ARHGEF37: variants seen among roughly 807,000 people sequenced by gnomAD.
ARHGEF37 encodes Rho guanine nucleotide exchange factor (GEF) 37.
ARHGEF37 carries 55 observed loss-of-function variants against 71.1 expected under a neutral mutation model. That is an observed-to-expected ratio of 0.77 (90% CI 0.62 to 0.97). The LOEUF is 0.97. Among genes scored for constraint, ARHGEF37 ranks in the 50% least tolerant of loss-of-function variants. The probability of loss-of-function intolerance (pLI) is 0.00; values close to 1 mark genes in which losing one functional copy is unlikely to be tolerated. For missense variants in ARHGEF37, 765 were observed against 836.8 expected, an observed-to-expected ratio of 0.91 and a Z score of 1.06; for synonymous variants, 327 against 350.6, an observed-to-expected ratio of 0.93 and a Z score of 0.75.
At chr5:149,587,046 A>T (rs1217128250) in intron 1 of ARHGEF37, among the ~76,000 whole-genome samples, 1 of 152,176 alleles carries the variant, frequency 6.6e-6, no homozygotes, top group African/African-American at 2.4e-5. Context: ...ATTTGTTGTA[A>T]TCAAGTGGCA....
chr5:149,569,978 T>G (rs565163061), intron 1 of ARHGEF37, among the ~76,000 whole-genome samples: 86 of 152,288 alleles, frequency 5.6e-4, no homozygotes, highest in African/African-American at 1.9e-3. Context: ...GAGTACTGTT[T>G]TATATTGGAT....
rs543805061 is a variant in ARHGEF37, at chr5:149,628,813, T to A, written c.1665T>A (p.His555Gln). ...AACCTTCTGCATGCTCCCTAGGACA[T>A]CGTGGGTATGTGCCGGCTGGGAAAC... is the stretch of plus-strand genomic sequence containing the variant. The part of the protein sequence containing the change: ...SGRWLVDTGG[H>Q]RGYVPAGKLQ... The change falls in exon 12 of 13, where the codon CAT becomes CAA. Residue 555 changes from histidine (H) to glutamine (Q), a missense_variant. Transcript: ENST00000333677. 7.9e-5 allele frequency: 128 copies of A among 1,612,662 alleles called. 1 individual carries two copies. Among genetic ancestry groups the A allele is most frequent in the East Asian group, 1.1e-4 (5 of 44,860 alleles).
In ARHGEF37 at chr5:149,624,063, G is replaced by T. The variant is rs113997100; in HGVS notation, c.1387G>T (p.Ala463Ser). 2 of 1,610,068 alleles carry T rather than the reference G, an allele frequency of 1.2e-6. No homozygotes were observed. Among genetic ancestry groups the T allele is most frequent in the Non-Finnish European group, 8.5e-7 (1 of 1,176,744 alleles). ...TGCCTTCAGGAAGCTGGTGGAGGAC[G>T]CACTGGGCCGGACGAGTAACCAGCT... Reference protein sequence around the residue: ...EPAFRKLVEDALGRTSNQLRS... With the variant: ...EPAFRKLVEDSLGRTSNQLRS... Residue 463 changes from alanine (A) to serine (S), a missense_variant, in exon 10 of 13, where the codon GCA (alanine) becomes TCA (serine). Around this residue, in one of 5 missense-constraint regions of ARHGEF37, gnomAD observed 390 missense variants for 407.4 expected, o/e 0.96. Coordinates refer to ENST00000333677, the MANE Select transcript of ARHGEF37 (RefSeq NM_001001669.3).
chr5:149,555,886 G>T (rs1412413160), intron 1 of ARHGEF37, among the ~76,000 whole-genome samples: 1 of 151,996 alleles, frequency 6.6e-6, no homozygotes, highest in Non-Finnish European at 1.5e-5. Flanking sequence ...CACTTTGGGA[G>T]GCTGAGATAG....
Position 149,619,043 on chromosome 5 carries a change from G to C in ARHGEF37, c.894+1G>C. 1 of 1,612,160 alleles carries C rather than the reference G, an allele frequency of 6.2e-7. No homozygotes were observed. Among genetic ancestry groups the C allele is most frequent in the Non-Finnish European group, 8.5e-7 (1 of 1,178,174 alleles). On this transcript the variant is annotated splice_donor_variant, in intron 7 of 12. Transcript: ENST00000333677. LOFTEE classifies it high-confidence loss of function. ...GGCTGCTTACCTGGACAATCTGCAG[G>C]TGAGGACACTGCAGGGTTCATAAAG... is the stretch of plus-strand genomic sequence containing the variant.
In ARHGEF37 at chr5:149,612,413, C is replaced by A. The variant is rs149958665; in HGVS notation, c.458+2718C>A. Reference sequence around the variant, plus strand: ...CCATCTCCTGACCTCGTGATCCGCCCACCTCGGCCTCCCAGAGTGCTGGGA... The same window carrying A: ...CCATCTCCTGACCTCGTGATCCGCCAACCTCGGCCTCCCAGAGTGCTGGGA... On this transcript the variant is annotated intron_variant, in intron 4 of 12. Transcript: ENST00000333677. Among the ~76,000 whole-genome samples the A allele has an allele frequency of 5.5e-3, 845 of 152,282 alleles. 8 individuals carry two copies. The highest frequency in any genetic ancestry group is 0.019 in the African/African-American group (779 of 41,552).
intron 3 of ARHGEF37, among the ~76,000 whole-genome samples, chr5:149,609,031 A>G (rs1043188893): frequency 6.6e-6 from 1 of 151,982 alleles, no homozygotes; most frequent in Non-Finnish European, 1.5e-5. Flanking sequence ...CTAAACATAC[A>G]AAAATTAGCC....
At chr5:149,555,130 CAAAA>C (rs914879036) in intron 1 of ARHGEF37, among the ~76,000 whole-genome samples, 1 of 55,976 alleles carries the variant, frequency 1.8e-5, no homozygotes, top group African/African-American at 6.9e-5. Flanking sequence ...GACTCTGTCT[CAAAA>C]AAAAAAAAAA....
intron 1 of ARHGEF37, among the ~76,000 whole-genome samples, chr5:149,568,646 A>G (rs955346282): frequency 6.6e-6 from 1 of 151,940 alleles, no homozygotes; most frequent in Non-Finnish European, 1.5e-5. Flanking sequence ...CCCCGTCTCT[A>G]CCAAAAATAC....
chr5:149,597,841 G>C lies in ARHGEF37; in HGVS notation c.72G>C (p.Glu24Asp). ...CGGACAGGGAAGGTAGGGCCTCTGA[G>C]GACAGATCGCTGCTTCATCAGAGGC... is the stretch of plus-strand genomic sequence containing the variant. ...GSPDREGRAS[E>D]DRSLLHQRLA... Residue 24 changes from glutamate to aspartate, a missense_variant, in exon 2 of 13, where the codon GAG becomes GAC. Physicochemically the swap from Glu to Asp is conservative, Grantham distance 45. Around this residue, in one of 5 missense-constraint regions of ARHGEF37, gnomAD observed 201 missense variants for 217.5 expected, o/e 0.92. Coordinates refer to ENST00000333677, the MANE Select transcript of ARHGEF37 (RefSeq NM_001001669.3). The C allele has an allele frequency of 6.2e-7, 1 of 1,609,540 alleles. No individual in the cohort carries two copies. Among genetic ancestry groups the C allele is most frequent in the East Asian group, 2.2e-5 (1 of 44,498 alleles).
chr5:149,570,325 G>A lies in ARHGEF37; in HGVS notation c.-12+18202G>A, dbSNP rs530054415. Among the ~76,000 whole-genome samples the A allele has an allele frequency of 1.8e-3, 267 of 150,378 alleles. 3 individuals are homozygous for A. Among genetic ancestry groups the A allele is most frequent in the African/African-American group, 6.5e-3 (263 of 40,638 alleles). On this transcript the variant is annotated intron_variant, in intron 1 of 2. Transcript: ENST00000505810. ...GCAGTGGCTCACACCTGTAATCCCA[G>A]CACTTTGGGAGGCCGAGGTGGGTGG...
chr5:149,634,125 C>T lies in ARHGEF37; in HGVS notation c.*1934C>T, dbSNP rs1752965493. The T allele has an allele frequency of 6.6e-6, 1 of 152,202 alleles. No homozygotes were observed. Among genetic ancestry groups the T allele is most frequent in the Admixed American group, 6.5e-5 (1 of 15,286 alleles). 9.4% of individuals were successfully genotyped at this position (152,202 alleles called of 1,614,324 possible). On this transcript the variant is annotated 3_prime_UTR_variant, in exon 13 of 13. Transcript: ENST00000333677. ...TCAACTGGCAGAATCCAGGCTCCGT[C>T]CCACCCAGAGATTCTGATGAAATTG...
intron 1 of ARHGEF37, among the ~76,000 whole-genome samples, chr5:149,560,333 C>T (rs777353909): frequency 6.6e-6 from 1 of 152,072 alleles, no homozygotes; most frequent in Non-Finnish European, 1.5e-5. Flanking sequence ...AGGCTGGTCT[C>T]GAACTCCCGA....
chr5:149,604,513 C>T (rs1239563286), intron 3 of ARHGEF37, among the ~76,000 whole-genome samples: 1 of 151,920 alleles, frequency 6.6e-6, no homozygotes, highest in East Asian at 1.9e-4. Flanking sequence ...CTTGTGGTTG[C>T]CAAAAAGAGG....
In ARHGEF37 at chr5:149,564,036, T is replaced by C. The variant is rs552226462; in HGVS notation, c.-12+11913T>C. Among the ~76,000 whole-genome samples, 360 of 148,546 alleles carry C rather than the reference T, an allele frequency of 2.4e-3. 1 individual carries two copies. Among genetic ancestry groups the C allele is most frequent in the Non-Finnish European group, 3.8e-3 (254 of 67,562 alleles). On this transcript the variant is annotated intron_variant, in intron 1 of 2. Transcript: ENST00000505810. ...GGCGCGATCTTGGCTCACTGCAGCC[T>C]TCGCCTCCTGGATTCAAGCAATTCT...
rs70973531 is a variant in ARHGEF37 at position 149,598,263 on chromosome 5, C to CTCTTCTTCTTCTTCTTCT, written c.186+355_186+372dup. Among the ~76,000 whole-genome samples the CTCTTCTTCTTCTTCTTCT allele has an allele frequency of 2.5e-3, 166 of 67,738 alleles. 2 individuals carry two copies. The highest frequency in any genetic ancestry group is 8.9e-3 in the East Asian group (13 of 1,462). The allele number at this position is 67,738 out of a possible 152,430, so 44.4% of individuals were successfully genotyped here. A position where few individuals can be genotyped will look rare whatever the true frequency, so the allele number is the denominator to read the frequency against. On this transcript the variant is annotated intron_variant, in intron 2 of 12. Coordinates refer to ENST00000333677, the MANE Select transcript of ARHGEF37 (RefSeq NM_001001669.3). The stretch of plus-strand genomic sequence containing the variant: ...GTTTGGAACAGATTGCTTAAACTGA[C>CTCTTCTTCTTCTTCTTCT]TCTTCTTCTTCTTCTTCTTCTTCTT...
chr5:149,580,544 G>A (rs1016348938), upstream of ARHGEF37, among the ~76,000 whole-genome samples: 2 of 152,084 alleles, frequency 1.3e-5, no homozygotes, highest in African/African-American at 4.8e-5. Flanking sequence ...TAGTAGTTGT[G>A]TGTCATGGGC....
upstream of ARHGEF37, among the ~76,000 whole-genome samples, chr5:149,576,520 T>C (rs1763030678): frequency 6.6e-6 from 1 of 152,212 alleles, no homozygotes; most frequent in African/African-American, 2.4e-5. Context: ...AAAATTATTA[T>C]ACATTAGTAA....
intron 3 of ARHGEF37, among the ~76,000 whole-genome samples, chr5:149,601,885 T>C (rs767739985): frequency 5.3e-5 from 8 of 151,720 alleles, no homozygotes; most frequent in Non-Finnish European, 1.0e-4. Context: ...TCCAGGGAAA[T>C]TAGTGAGGGG....
Sources: gnomAD v4.1 joint callset for allele counts (sites outside exome capture counted in the v4.1 genomes callset) on GRCh38, gnomAD v4.1.1 for gene constraint, gnomAD v4.1.1 regional missense constraint, MANE v1.5 for transcripts, NCBI Gene and HGNC (gene_info 2026-07-23, HGNC 2026-07-21) for gene names.